Variants in MACROD2 observed in about 807,000 individuals in gnomAD.
MACROD2 encodes the protein mono-ADP ribosylhydrolase 2, also known as ADP-ribose glycohydrolase MACROD2.
A neutral mutation model predicts 70.4 loss-of-function variants in MACROD2; 36 were observed. The ratio of observed to expected loss-of-function variants is 0.51; its 90% CI spans 0.39 to 0.68. The LOEUF (loss-of-function observed/expected upper bound fraction) is 0.68, where lower values mean the gene tolerates loss of function less well. MACROD2 is among the 30% of genes least tolerant of loss of function. The probability of loss-of-function intolerance (pLI) is 0.00; values close to 1 mark genes in which losing one functional copy is unlikely to be tolerated. For synonymous variants in MACROD2, 172 were observed against 178.8 expected (o/e 0.96, Z 0.30); for missense variants, 496 against 538.4 (o/e 0.92, Z 0.78).
intron 6 of MACROD2, among the ~76,000 whole-genome samples, chr20:15,428,899 CA>C (rs2146353561): frequency 6.6e-6 from 1 of 152,074 alleles, no homozygotes; most frequent in South Asian, 2.1e-4. Context: ...GGTTGTCAAA[CA>C]TTTTTTTTTT....
chr20:14,441,682 C>A (rs2084125044), intron 3 of MACROD2, among the ~76,000 whole-genome samples: 2 of 152,134 alleles, frequency 1.3e-5, no homozygotes, highest in Non-Finnish European at 2.9e-5. Flanking sequence ...ACAGAGATTT[C>A]CAGCATAGTT....
At chr20:14,286,534 T>A (rs2082346297) in intron 3 of MACROD2, among the ~76,000 whole-genome samples, 2 of 152,178 alleles carry the variant, frequency 1.3e-5, no homozygotes, top group Non-Finnish European at 2.9e-5. Flanking sequence ...TTATTTTTAA[T>A]CATCTTTTGA....
At chr20:15,749,788 T>C (rs2051240308) in intron 8 of MACROD2, among the ~76,000 whole-genome samples, 1 of 152,028 alleles carries the variant, frequency 6.6e-6, no homozygotes, top group African/African-American at 2.4e-5. Context: ...GTCCTGGGAA[T>C]ACTGACTATC....
intron 5 of MACROD2, among the ~76,000 whole-genome samples, chr20:14,736,038 G>A (rs2071660746): frequency 6.6e-6 from 1 of 151,946 alleles, no homozygotes; most frequent in South Asian, 2.1e-4. Flanking sequence ...GTTTATAGCA[G>A]CAATATTCAT....
At chr20:15,844,297 A>G (rs561263714) in intron 8 of MACROD2, among the ~76,000 whole-genome samples, 20 of 152,172 alleles carry the variant, frequency 1.3e-4, no homozygotes, top group African/African-American at 4.8e-4. Context: ...GCAGTCAGGA[A>G]GCTTATAATC....
chr20:14,354,261 A>G (rs1014947170), intron 3 of MACROD2, among the ~76,000 whole-genome samples: 2 of 152,162 alleles, frequency 1.3e-5, no homozygotes, highest in Non-Finnish European at 2.9e-5. Context: ...GCAGTTCTTT[A>G]CATATTCAGG....
intron 3 of MACROD2, among the ~76,000 whole-genome samples, chr20:14,284,748 C>A (rs905540263): frequency 6.6e-6 from 1 of 152,034 alleles, no homozygotes; most frequent in Non-Finnish European, 1.5e-5. Context: ...TATGAGTGCC[C>A]CCCATTTACT....
intron 6 of MACROD2, among the ~76,000 whole-genome samples, chr20:15,340,254 C>T (rs968379894): frequency 2.0e-5 from 3 of 149,534 alleles, no homozygotes; most frequent in Non-Finnish European, 3.0e-5. Context: ...TTCTCTGCCT[C>T]AGCCTCCTGA....
intron 8 of MACROD2, among the ~76,000 whole-genome samples, chr20:15,723,639 G>C (rs371647745): frequency 1.6e-4 from 25 of 151,980 alleles, no homozygotes; most frequent in Admixed American, 1.1e-3. Context: ...TTTTATAGCT[G>C]GATAATATTT....
In MACROD2 at chr20:15,234,003, A is replaced by ATATG. The variant is rs2076986085; in HGVS notation, c.540+3945_540+3946insGTAT. On this transcript the variant is annotated intron_variant, in intron 6 of 17. Transcript: ENST00000684519. Reference sequence around the variant, plus strand: ...TTTATTTATATATATATATATATATATATATATTCTTTTTTTTTTTTTTTT... The same window carrying ATATG: ...TTTATTTATATATATATATATATATATATGTATATATTCTTTTTTTTTTTTTTTT... 1.9e-4 allele frequency among the ~76,000 whole-genome samples: 11 copies of ATATG among 56,996 alleles called. No individual in the cohort carries two copies. The Admixed American group carries it at 2.5e-3, about 13-fold the overall frequency. The allele number at this position is 56,996 out of a possible 152,430, so 37.4% of individuals were successfully genotyped here.
intron 6 of MACROD2, among the ~76,000 whole-genome samples, chr20:15,397,019 C>G (rs1214138984): frequency 1.3e-5 from 2 of 152,150 alleles, no homozygotes; most frequent in Non-Finnish European, 2.9e-5. Flanking sequence ...ATTGAAAGCT[C>G]TAACAAAACG....
intron 12 of MACROD2, among the ~76,000 whole-genome samples, chr20:15,944,417 T>A (rs1352386467): frequency 6.9e-6 from 1 of 144,280 alleles, no homozygotes; most frequent in East Asian, 2.0e-4. Flanking sequence ...ATGGAAGGGG[T>A]TTTTTTAGGG....
At chr20:15,352,857 A>G (rs1310401553) in intron 6 of MACROD2, among the ~76,000 whole-genome samples, 1 of 152,080 alleles carries the variant, frequency 6.6e-6, no homozygotes, top group African/African-American at 2.4e-5. Context: ...AAAAGAGGAT[A>G]CAAACAAATG....
intron 9 of MACROD2, among the ~76,000 whole-genome samples, chr20:15,873,984 A>G (rs970316239): frequency 2.0e-5 from 3 of 152,064 alleles, no homozygotes; most frequent in Admixed American, 6.6e-5. Flanking sequence ...TTACATAGGT[A>G]TACATGTGCC....
chr20:15,240,170 C>T (rs1046134297), intron 6 of MACROD2, among the ~76,000 whole-genome samples: 1 of 152,168 alleles, frequency 6.6e-6, no homozygotes, highest in African/African-American at 2.4e-5. Context: ...TCTTACCATT[C>T]TTTTCCATTT....
chr20:15,029,600 G>A (rs1211292656), intron 5 of MACROD2, among the ~76,000 whole-genome samples: 1 of 152,160 alleles, frequency 6.6e-6, no homozygotes, highest in East Asian at 1.9e-4. Flanking sequence ...GAGGTACCAA[G>A]CTTTTCTCAA....
intron 6 of MACROD2, among the ~76,000 whole-genome samples, chr20:15,244,968 C>G (rs1174886163): frequency 1.3e-5 from 2 of 152,168 alleles, no homozygotes; most frequent in African/African-American, 4.8e-5. Context: ...AATTCAAGAT[C>G]AGCAGAACTC....
At chr20:15,262,059 A>G (rs1306036667) in intron 6 of MACROD2, among the ~76,000 whole-genome samples, 1 of 151,940 alleles carries the variant, frequency 6.6e-6, no homozygotes, top group Admixed American at 6.6e-5. Context: ...AAACAATCCA[A>G]TTATACTCTT....
intron 15 of MACROD2, among the ~76,000 whole-genome samples, chr20:15,988,198 C>T (rs1004945152): frequency 6.6e-6 from 1 of 152,102 alleles, no homozygotes; most frequent in African/African-American, 2.4e-5. Context: ...ATAAGCTTTT[C>T]GCTATTGCAA....
Sources: allele counts gnomAD v4.1 joint callset (sites outside exome capture counted in the v4.1 genomes callset), GRCh38; gene constraint gnomAD v4.1.1; transcripts MANE v1.5; gene names NCBI Gene and HGNC (gene_info 2026-07-23, HGNC 2026-07-21).